The following NYX variants were observed in gnomAD, a reference collection of about 807,000 sequenced individuals.
NYX encodes leucine-rich repeat protein.
For synonymous variants in NYX, 258 were observed against 245.7 expected (o/e 1.05, Z -0.47); for missense variants, 481 against 485.4 (o/e 0.99, Z 0.09).
At chrX:41,470,712 A>AAT (rs2064356113) in intron 2 of NYX, among the ~76,000 whole-genome samples, 1 of 109,570 alleles carries the variant, frequency 9.1e-6, no homozygotes, top group Non-Finnish European at 1.9e-5. Context: ...AAAAAAAAAA[A>AAT]ATCATTGATG....
Position 41,474,227 on chromosome X carries a change from G to A in NYX, c.759G>A (p.Thr253=), listed in dbSNP as rs1341325309. 3 of 1,196,406 alleles carry A rather than the reference G, an allele frequency of 2.5e-6. No individual in the cohort carries two copies. The highest frequency in any genetic ancestry group is 3.5e-5 in the African/African-American group (2 of 57,640). The change falls in exon 3 of 3, where the codon ACG becomes ACA. Residue 253 remains threonine, a synonymous_variant. Transcript: ENST00000378220. ...TCCGCGGCCTGCGGCGCCTGCGCAC[G>A]CTCAACCTGGGTGGCAACGCGCTGG... ...DAFRGLRRLR[T]LNLGGNALDR...
Position 41,474,858 on chromosome X carries a change from A to C in NYX, c.1390A>C (p.Ser464Arg). Residue 464 changes from serine to arginine, a missense_variant, in exon 3 of 3, where the codon AGC (serine) becomes CGC (arginine). Coordinates refer to ENST00000378220, the MANE Select transcript of NYX (RefSeq NM_001378477.3). Reference protein sequence around the residue: ...WFLLASCLLPSVAQHVVFGLQ... With the variant: ...WFLLASCLLPRVAQHVVFGLQ... ...TCTCCTCGCCTCTTGTCTCCTGCCC[A>C]GCGTGGCCCAGCACGTGGTGTTTGG... 1 of 1,206,778 alleles carries C rather than the reference A, an allele frequency of 8.3e-7. No individual in the cohort carries two copies. The highest frequency in any genetic ancestry group is 1.1e-6 in the Non-Finnish European group (1 of 894,020).
intron 2 of NYX, among the ~76,000 whole-genome samples, chrX:41,449,711 A>T (rs906922446): frequency 2.7e-5 from 3 of 111,597 alleles, no homozygotes; most frequent in Non-Finnish European, 5.6e-5. Flanking sequence ...TAGCCTGCAC[A>T]CTTCAAAACA....
chrX:41,451,345 A>G (rs1265784914), intron 2 of NYX, among the ~76,000 whole-genome samples: 1 of 111,936 alleles, frequency 8.9e-6, no homozygotes, highest in Admixed American at 9.5e-5. Context: ...AGCTTTAGTC[A>G]CGATAGGCTG....
At chrX:41,465,620 G>T (rs1264008515) in intron 2 of NYX, among the ~76,000 whole-genome samples, 1 of 101,768 alleles carries the variant, frequency 9.8e-6, no homozygotes, top group African/African-American at 3.6e-5. Context: ...ACCTCCACCT[G>T]TAGTCCCAGC....
chrX:41,473,405 T>A, intron 2 of NYX, 86 bp from the exon 3 acceptor site: 1 of 879,343 alleles, frequency 1.1e-6, no homozygotes, highest in South Asian at 5.4e-5. Context: ...CAGGCAGGAT[T>A]TTTCCTGGGG....
intron 2 of NYX, among the ~76,000 whole-genome samples, chrX:41,471,836 T>A (rs895914455): frequency 0.011 from 311 of 29,563 alleles, 2 homozygotes; most frequent in African/African-American, 0.035. Flanking sequence ...TATATGTATT[T>A]TTTTTTTTTT....
rs1221854123 is a variant in NYX at position 41,474,618 on chromosome X, C to T, written c.1150C>T (p.Pro384Ser). 3.3e-6 allele frequency: 4 copies of T among 1,199,882 alleles called. No individual in the cohort carries two copies. In the Admixed American group the frequency reaches 9.0e-5, roughly 27 times the overall value. ...CTCCTCCGATGGCCTCTGTGTGGAC[C>T]CCGAGGAGCTGAACCTCACCACGTC... is the stretch of plus-strand genomic sequence containing the variant. Reference protein sequence around the residue: ...GRSSDGLCVDPEELNLTTSSP... With the variant: ...GRSSDGLCVDSEELNLTTSSP... Residue 384 changes from proline (P) to serine (S), a missense_variant, in exon 3 of 3, where the codon CCC (proline) becomes TCC (serine). Pro to Ser is a moderately conservative substitution (Grantham distance 74). Coordinates refer to ENST00000378220, the MANE Select transcript of NYX (RefSeq NM_001378477.3).
Position 41,475,013 on chromosome X carries a change from C to A in NYX, c.*114C>A. 2.9e-6 allele frequency: 2 copies of A among 690,710 alleles called. No homozygotes were observed. Among genetic ancestry groups the A allele is most frequent in the Non-Finnish European group, 2.2e-6 (1 of 448,523 alleles). 56.9% of individuals were successfully genotyped at this position (690,710 alleles called of 1,213,427 possible). A position where few individuals can be genotyped will look rare whatever the true frequency, so the allele number is the denominator to read the frequency against. The stretch of plus-strand genomic sequence containing the variant: ...AATCCCAGTGGAGGGTGGAAGGAAC[C>A]GTTTGCCTCCAGAGATGGCCCCAGG... On this transcript the variant is annotated 3_prime_UTR_variant, in exon 3 of 3. Coordinates refer to ENST00000378220, the MANE Select transcript of NYX (RefSeq NM_001378477.3).
chrX:41,450,828 ATTTTTTT>A (rs745395959), intron 2 of NYX, among the ~76,000 whole-genome samples: 803 of 68,146 alleles, frequency 0.012, 7 homozygotes, highest in African/African-American at 0.031. Context: ...ATATATATAT[ATTTTTTT>A]TTTTTTTTTT....
At chrX:41,448,282 A>G (rs893150154) in intron 2 of NYX, among the ~76,000 whole-genome samples, 1 of 111,347 alleles carries the variant, frequency 9.0e-6, no homozygotes, top group African/African-American at 3.3e-5. Context: ...TCGCTCTGTC[A>G]CCCAGGCTGG....
chrX:41,474,962 G>A lies in NYX; in HGVS notation c.*63G>A, dbSNP rs767111588. ...GAGTGTGTTTGTGGTAAGGGGAGAG[G>A]AGCCGGAATGGAGGGCAGAGGTGAA... On this transcript the variant is annotated 3_prime_UTR_variant, in exon 3 of 3. Transcript: ENST00000378220. 40 of 1,003,435 alleles carry A rather than the reference G, an allele frequency of 4.0e-5. No individual in the cohort carries two copies. Among genetic ancestry groups the A allele is most frequent in the Non-Finnish European group, 5.1e-5 (37 of 724,249 alleles). 82.7% of individuals were successfully genotyped at this position (1,003,435 alleles called of 1,213,427 possible). A position where few individuals can be genotyped will look rare whatever the true frequency, so the allele number is the denominator to read the frequency against.
chrX:41,451,552 C>T (rs1021632400), intron 2 of NYX, among the ~76,000 whole-genome samples: 1 of 111,454 alleles, frequency 9.0e-6, no homozygotes, highest in Non-Finnish European at 1.9e-5. Context: ...CTTGCTCTGT[C>T]GTCCAGGCTG....
At chrX:41,458,049 G>A (rs1034436331) in intron 2 of NYX, among the ~76,000 whole-genome samples, 4 of 111,616 alleles carry the variant, frequency 3.6e-5, no homozygotes, top group African/African-American at 1.3e-4. Flanking sequence ...ATGGTGGAAG[G>A]TGGAAGTGTG....
intron 2 of NYX, among the ~76,000 whole-genome samples, chrX:41,460,412 C>T (rs1031614582): frequency 3.6e-5 from 4 of 111,964 alleles, no homozygotes; most frequent in African/African-American, 1.3e-4. Context: ...AAGTGATCTG[C>T]CCACCTCGGC....
chrX:41,474,785 C>T lies in NYX; in HGVS notation c.1317C>T (p.Asp439=), dbSNP rs2064383850. Residue 439 remains aspartate (D), a synonymous_variant, in exon 3 of 3, where the codon GAC becomes GAT. Transcript: ENST00000378220. The stretch of plus-strand genomic sequence containing the variant: ...GGCTGGCCAACGCCTCCCTGTCCGA[C>T]AGCCTCTCCTCCCGTGGGGTGGGAG... ...TGGLANASLS[D]SLSSRGVGGA... is the part of the protein sequence containing the mutation. The T allele has an allele frequency of 8.4e-7, 1 of 1,197,604 alleles. No homozygotes were observed. The highest frequency in any genetic ancestry group is 1.7e-5 in the African/African-American group (1 of 57,303).
At chrX:41,455,888 A>C (rs1309839397) in intron 2 of NYX, among the ~76,000 whole-genome samples, 1 of 111,630 alleles carries the variant, frequency 9.0e-6, no homozygotes, top group African/African-American at 3.3e-5. Context: ...ATTCTGGGAG[A>C]GGCTATTTTT....
Position 41,474,267 on chromosome X carries a change from G to T in NYX, c.799G>T (p.Ala267Ser). 2 of 1,205,352 alleles carry T rather than the reference G, an allele frequency of 1.7e-6. No individual in the cohort carries two copies. Among genetic ancestry groups the T allele is most frequent in the Non-Finnish European group, 2.2e-6 (2 of 895,188 alleles). The change falls in exon 3 of 3, where the codon GCC becomes TCC. Residue 267 changes from alanine (A) to serine (S), a missense_variant. Ala to Ser is a moderately conservative substitution (Grantham distance 99). Transcript: ENST00000378220. ...CAACGCGCTGGACCGCGTGGCGCGCGCCTGGTTCGCTGACCTGGCCGAGCT... is the reference window on the plus strand; with the variant it reads ...CAACGCGCTGGACCGCGTGGCGCGCTCCTGGTTCGCTGACCTGGCCGAGCT... ...GGNALDRVAR[A>S]WFADLAELEL...
At chrX:41,473,277 G>C (rs2064369203) in intron 2 of NYX, among the ~76,000 whole-genome samples, 1 of 110,787 alleles carries the variant, frequency 9.0e-6, no homozygotes, top group South Asian at 3.8e-4. Context: ...AAGGTAACCG[G>C]AAAGCAAAGG....
Sources: gnomAD v4.1 joint callset for allele counts (sites outside exome capture counted in the v4.1 genomes callset) on GRCh38, gnomAD v4.1.1 for gene constraint, MANE v1.5 for transcripts, NCBI Gene and HGNC (gene_info 2026-07-23, HGNC 2026-07-21) for gene names.